TENM3: variants seen among roughly 807,000 people sequenced by gnomAD.
TENM3 encodes teneurin-3.
In TENM3, 63 loss-of-function variants were observed where a neutral mutation model predicts 255.1. The ratio of observed to expected loss-of-function variants is 0.25; its 90% CI spans 0.20 to 0.30. The LOEUF (loss-of-function observed/expected upper bound fraction) is 0.30, where lower values mean the gene tolerates loss of function less well. Among genes scored for constraint, TENM3 ranks in the 10% least tolerant of loss-of-function variants. TENM3 has a pLI of 1.00. For synonymous variants in TENM3, 1,306 were observed against 1,322.3 expected (o/e 0.99, Z 0.27); for missense variants, 2,929 against 3,461.1 (o/e 0.85, Z 3.86).
At chr4:182,315,657 GTTA>G (rs1401938675) in intron 1 of TENM3, among the ~76,000 whole-genome samples, 1 of 152,010 alleles carries the variant, frequency 6.6e-6, no homozygotes, top group Non-Finnish European at 1.5e-5. Context: ...AACATCTTCA[GTTA>G]TTATTTCTTC....
chr4:182,054,250 C>A, the TENM3 span, among the ~76,000 whole-genome samples: 1 of 151,988 alleles, frequency 6.6e-6, no homozygotes, highest in African/African-American at 2.4e-5. Flanking sequence ...TCCGTATAAC[C>A]CAGTCCATCT....
chr4:181,643,672 A>C, the TENM3 span, among the ~76,000 whole-genome samples: 14,917 of 152,204 alleles, frequency 0.098, 912 homozygotes, highest in East Asian at 0.18. Flanking sequence ...TCAAGGGTCA[A>C]TAATTACAAC....
At chr4:181,481,811 C>T in the TENM3 span, among the ~76,000 whole-genome samples, 79,083 of 152,018 alleles carry the variant, frequency 0.52, 22,049 homozygotes, top group Non-Finnish European at 0.62. Flanking sequence ...GTGTCTAGCA[C>T]ATAGTAAGTG....
chr4:181,597,668 G>T, the TENM3 span, among the ~76,000 whole-genome samples: 4 of 152,076 alleles, frequency 2.6e-5, no homozygotes, highest in African/African-American at 9.6e-5. Context: ...GCTTACCAAA[G>T]GTTCCCTCAA....
chr4:182,651,546 A>T (rs1287942702), intron 5 of TENM3, among the ~76,000 whole-genome samples: 1 of 152,020 alleles, frequency 6.6e-6, no homozygotes, highest in African/African-American at 2.4e-5. Context: ...AAATACAAAA[A>T]ATTAGCTGGG....
the TENM3 span, among the ~76,000 whole-genome samples, chr4:181,468,344 A>G: frequency 9.9e-5 from 15 of 152,142 alleles, no homozygotes. Flanking sequence ...TAGCTAGCCC[A>G]CTGGTTTTAT....
chr4:181,814,009 A>G, the TENM3 span, among the ~76,000 whole-genome samples: 3 of 152,316 alleles, frequency 2.0e-5, no homozygotes, highest in Admixed American at 1.3e-4. Context: ...TGAAATATAT[A>G]CTACCATAAA....
intron 24 of TENM3, among the ~76,000 whole-genome samples, chr4:182,787,099 A>G (rs1454435004): frequency 6.6e-6 from 1 of 151,718 alleles, no homozygotes; most frequent in African/African-American, 2.4e-5. Context: ...AAAGTATTCT[A>G]CAAAGCTCAA....
intron 1 of TENM3, among the ~76,000 whole-genome samples, chr4:182,290,194 G>A (rs1761026052): frequency 6.6e-6 from 1 of 152,166 alleles, no homozygotes. Context: ...CCTGGCGTGT[G>A]GTAAGTGTGC....
chr4:181,921,844 C>T, the TENM3 span, among the ~76,000 whole-genome samples: 1 of 151,948 alleles, frequency 6.6e-6, no homozygotes. Context: ...CAGTTTTTGC[C>T]CATTCAGTAT....
chr4:181,776,162 A>C, the TENM3 span, among the ~76,000 whole-genome samples: 13 of 152,102 alleles, frequency 8.5e-5, no homozygotes, highest in Non-Finnish European at 1.8e-4. Context: ...CATATCAGTG[A>C]GAACAGGCAA....
intron 2 of TENM3, among the ~76,000 whole-genome samples, chr4:182,335,787 AT>A (rs1764098580): frequency 6.6e-6 from 1 of 152,202 alleles, no homozygotes; most frequent in Non-Finnish European, 1.5e-5. Context: ...CTTATGACAT[AT>A]ATAATGTCTA....
Position 182,302,095 on chromosome 4 carries a change from A to C in TENM3, c.-75-21851A>C, listed in dbSNP as rs558197803. On this transcript the variant is annotated intron_variant, in intron 1 of 27. Transcript: ENST00000511685. The stretch of plus-strand genomic sequence containing the variant: ...TGTCTGGATTAATTGCTTTTACTGG[A>C]AAAAAATGATTATTTTGCCAAAAAC... Among the ~76,000 whole-genome samples the C allele has an allele frequency of 2.6e-5, 4 of 152,232 alleles. No individual in the cohort carries two copies. In the East Asian group the frequency reaches 7.7e-4, roughly 29 times the overall value.
chr4:181,543,374 G>A, the TENM3 span, among the ~76,000 whole-genome samples: 1 of 152,160 alleles, frequency 6.6e-6, no homozygotes, highest in Admixed American at 6.5e-5. Context: ...AGGAGGAGAA[G>A]ATACAGAAGG....
the TENM3 span, among the ~76,000 whole-genome samples, chr4:181,465,304 A>G: frequency 6.6e-6 from 1 of 151,392 alleles, no homozygotes; most frequent in Non-Finnish European, 1.5e-5. Flanking sequence ...CTTGGTAGAA[A>G]TACATATTTA....
At chr4:182,003,749 A>G in the TENM3 span, among the ~76,000 whole-genome samples, 1 of 152,118 alleles carries the variant, frequency 6.6e-6, no homozygotes, top group Admixed American at 6.6e-5. Context: ...CAAGGATTAG[A>G]TTTACCAGCC....
At chr4:182,555,946 A>G (rs77373010) in intron 3 of TENM3, among the ~76,000 whole-genome samples, 148 of 152,254 alleles carry the variant, frequency 9.7e-4, no homozygotes, top group African/African-American at 3.5e-3. Context: ...TTTCTCTAAA[A>G]GAATAACTTC....
intron 3 of TENM3, among the ~76,000 whole-genome samples, chr4:182,524,402 C>T (rs1015959866): frequency 7.3e-6 from 1 of 136,424 alleles, no homozygotes; most frequent in African/African-American, 2.9e-5. Context: ...CTCTCTGTCA[C>T]CCAGGCCAGA....
intron 6 of TENM3, among the ~76,000 whole-genome samples, chr4:182,667,861 A>G (rs1249418160): frequency 6.6e-6 from 1 of 152,044 alleles, no homozygotes; most frequent in Non-Finnish European, 1.5e-5. Flanking sequence ...TGATGAGTTA[A>G]TGGGTGCAGC....
Sources: allele counts gnomAD v4.1 joint callset (sites outside exome capture counted in the v4.1 genomes callset), GRCh38; gene constraint gnomAD v4.1.1; transcripts MANE v1.5; gene names NCBI Gene and HGNC (gene_info 2026-07-23, HGNC 2026-07-21).